Variants in PDLIM5 observed in about 807,000 individuals in gnomAD.
The protein encoded by PDLIM5 is PDZ and LIM domain 5.
A neutral mutation model predicts 64.2 loss-of-function variants in PDLIM5; 34 were observed. The ratio of observed to expected loss-of-function variants is 0.53; its 90% CI spans 0.40 to 0.71. The LOEUF is 0.71. PDLIM5 is among the 30% of genes least tolerant of loss of function. PDLIM5 has a pLI of 0.00. For missense variants in PDLIM5, 683 were observed against 733.6 expected, an observed-to-expected ratio of 0.93 and a Z score of 0.80; for synonymous variants, 253 against 269.1, an observed-to-expected ratio of 0.94 and a Z score of 0.59.
chr4:94,560,376 A>C (rs774605509), intron 3 of PDLIM5, among the ~76,000 whole-genome samples: 1 of 152,098 alleles, frequency 6.6e-6, no homozygotes, highest in Non-Finnish European at 1.5e-5. Flanking sequence ...ATTATGGATA[A>C]TTTGGACCTG....
chr4:94,542,000 G>A (rs1972011), intron 3 of PDLIM5, among the ~76,000 whole-genome samples: 72,764 of 151,948 alleles, frequency 0.48, 18,458 homozygotes, highest in South Asian at 0.76. Flanking sequence ...GAATGGAGTC[G>A]GGGAGATGGG....
chr4:94,456,314 T>G, intron 2 of PDLIM5: 1 of 538,056 alleles, frequency 1.9e-6, no homozygotes, highest in South Asian at 2.1e-5. Context: ...TTCTCCTGCC[T>G]CAGCCTCCCG....
Position 94,611,203 on chromosome 4 carries a change from A to G in PDLIM5, c.921-6801A>G, listed in dbSNP as rs1194061399. ...TCTATCCATGTTAAGAAAACAAGGTACTGTGGGAGCAGATATGGCAAGTGG... is the reference window on the plus strand; with the variant it reads ...TCTATCCATGTTAAGAAAACAAGGTGCTGTGGGAGCAGATATGGCAAGTGG... On this transcript the variant is annotated intron_variant, in intron 7 of 12. Coordinates refer to ENST00000317968, the MANE Select transcript of PDLIM5 (RefSeq NM_006457.5). 6 of 1,533,774 alleles carry G rather than the reference A, an allele frequency of 3.9e-6. No homozygotes were observed. The Admixed American group carries it at 1.2e-4, about 30-fold the overall frequency.
In PDLIM5 at chr4:94,654,655, C is replaced by T. The variant is rs377072067; in HGVS notation, c.1464+15C>T. The stretch of plus-strand genomic sequence containing the variant: ...AGATCCTTGGAGTAAGTATTGGAAA[C>T]GTTTTTATTCTGAATGAGTTTTAAA... On this transcript the variant is annotated intron_variant, in intron 10 of 12. Coordinates refer to ENST00000317968, the MANE Select transcript of PDLIM5 (RefSeq NM_006457.5). The T allele has an allele frequency of 1.6e-5, 24 of 1,530,304 alleles. No individual in the cohort carries two copies. The highest frequency in any genetic ancestry group is 1.6e-5 in the Non-Finnish European group (18 of 1,113,452). 94.8% of individuals were successfully genotyped at this position (1,530,304 alleles called of 1,614,324 possible). A position where few individuals can be genotyped will look rare whatever the true frequency, so the allele number is the denominator to read the frequency against.
At chr4:94,609,573 G>C (rs17021906) in intron 7 of PDLIM5, among the ~76,000 whole-genome samples, 7,074 of 152,048 alleles carry the variant, frequency 0.047, 589 homozygotes, top group African/African-American at 0.16. Flanking sequence ...GTTTATTTTC[G>C]CAAAGGTACT....
chr4:94,522,038 T>A (rs1265269099), intron 2 of PDLIM5, among the ~76,000 whole-genome samples: 1 of 152,182 alleles, frequency 6.6e-6, no homozygotes, highest in Non-Finnish European at 1.5e-5. Context: ...TAACTTTGTA[T>A]AGGTGGCAGT....
intron 4 of PDLIM5, 72 bp downstream of exon 4, chr4:94,573,465 T>TAG: frequency 1.8e-6 from 2 of 1,123,992 alleles, no homozygotes; most frequent in Non-Finnish European, 2.7e-6. Flanking sequence ...CCCATTACTG[T>TAG]CTCAGACCAT....
intron 3 of PDLIM5, chr4:94,550,061 CAT>C (rs1732676570): frequency 6.6e-6 from 1 of 151,948 alleles, no homozygotes; most frequent in African/African-American, 2.4e-5. Context: ...CCAGCATACA[CAT>C]AAACACATAT....
rs553525056 is a variant in PDLIM5, at chr4:94,666,736, A to G, written c.*2669A>G. On this transcript the variant is annotated 3_prime_UTR_variant, in exon 13 of 13. Coordinates refer to ENST00000317968, the MANE Select transcript of PDLIM5 (RefSeq NM_006457.5). ...GTCATTTTCATCAGACCTTCTTTCTACATATTATTCATGAAGCATAATGTT... is the reference window on the plus strand; with the variant it reads ...GTCATTTTCATCAGACCTTCTTTCTGCATATTATTCATGAAGCATAATGTT... 1 of 152,214 alleles carries G rather than the reference A, an allele frequency of 6.6e-6. No homozygotes were observed. The highest frequency in any genetic ancestry group is 1.5e-5 in the Non-Finnish European group (1 of 68,042). The allele number at this position is 152,214 out of a possible 1,614,324, so 9.4% of individuals were successfully genotyped here.
chr4:94,546,623 A>G (rs1272912205), intron 3 of PDLIM5, among the ~76,000 whole-genome samples: 5 of 152,156 alleles, frequency 3.3e-5, no homozygotes, highest in Admixed American at 2.0e-4. Flanking sequence ...ATTTGCTATC[A>G]TCAATAGAAG....
chr4:94,543,948 G>A (rs1413565381), intron 3 of PDLIM5, among the ~76,000 whole-genome samples: 1 of 152,080 alleles, frequency 6.6e-6, no homozygotes, highest in Non-Finnish European at 1.5e-5. Context: ...ACCCAAGAGT[G>A]GGATTGTCGG....
chr4:94,620,344 G>A (rs1462264217), intron 8 of PDLIM5, among the ~76,000 whole-genome samples: 2 of 152,010 alleles, frequency 1.3e-5, no homozygotes, highest in East Asian at 3.9e-4. Context: ...GATCAGCCTG[G>A]GCAGCATGGC....
chr4:94,619,234 A>G (rs934037595), intron 8 of PDLIM5, among the ~76,000 whole-genome samples: 8 of 152,142 alleles, frequency 5.3e-5, no homozygotes, highest in Non-Finnish European at 8.8e-5. Flanking sequence ...CATCAGAGCC[A>G]TTGCTTTGAT....
At chr4:94,616,759 A>G (rs1361875569) in intron 7 of PDLIM5, among the ~76,000 whole-genome samples, 1 of 152,214 alleles carries the variant, frequency 6.6e-6, no homozygotes, top group African/African-American at 2.4e-5. Flanking sequence ...GCTCTATGAC[A>G]CTTGCATTTG....
At chr4:94,456,959 T>TA (rs1420301640) in intron 2 of PDLIM5, 1 of 991,200 alleles carries the variant, frequency 1.0e-6, no homozygotes, top group Admixed American at 5.7e-5. Context: ...TTCCAACAGT[T>TA]ATGCTGTGCT....
At chr4:94,657,137 T>C (rs2047743172) in intron 10 of PDLIM5, among the ~76,000 whole-genome samples, 1 of 152,214 alleles carries the variant, frequency 6.6e-6, no homozygotes, top group Non-Finnish European at 1.5e-5. Flanking sequence ...ATGAAATGCT[T>C]ACTTTATTCA....
At chr4:94,624,894 A>G (rs1277796529) in intron 8 of PDLIM5, among the ~76,000 whole-genome samples, 1 of 152,268 alleles carries the variant, frequency 6.6e-6, no homozygotes, top group Non-Finnish European at 1.5e-5. Context: ...AAGTGGCAAA[A>G]TCAGACTTGC....
At chr4:94,642,100 C>G (rs1274533857) in intron 9 of PDLIM5, among the ~76,000 whole-genome samples, 1 of 152,162 alleles carries the variant, frequency 6.6e-6, no homozygotes, top group East Asian at 1.9e-4. Flanking sequence ...TAGAAACAAA[C>G]TCTGACTTGT....
intron 7 of PDLIM5, chr4:94,588,270 TA>T: frequency 1.4e-6 from 1 of 713,260 alleles, no homozygotes; most frequent in Non-Finnish European, 1.7e-6. Context: ...AATATGGGTA[TA>T]AAACACGGCA....
Sources: allele counts gnomAD v4.1 joint callset (sites outside exome capture counted in the v4.1 genomes callset), GRCh38; gene constraint gnomAD v4.1.1; transcripts MANE v1.5; gene names NCBI Gene and HGNC (gene_info 2026-07-23, HGNC 2026-07-21).